Variants in ADGRL3 observed in about 807,000 individuals in gnomAD.
ADGRL3 encodes the protein calcium-independent alpha-latrotoxin receptor 3.
In ADGRL3, 62 loss-of-function variants were observed where a neutral mutation model predicts 153.5. That is an observed-to-expected ratio of 0.40 (90% CI 0.33 to 0.50). The LOEUF is 0.50. ADGRL3 is among the 20% of genes least tolerant of loss of function. ADGRL3 has a pLI of 0.47. For missense variants in ADGRL3, 1,641 were observed against 1,859.4 expected, an observed-to-expected ratio of 0.88 and a Z score of 2.16; for synonymous variants, 710 against 672.5, an observed-to-expected ratio of 1.06 and a Z score of -0.86.
chr4:61,758,256 T>A (rs2152130270), intron 8 of ADGRL3, among the ~76,000 whole-genome samples: 1 of 152,324 alleles, frequency 6.6e-6, no homozygotes, highest in South Asian at 2.1e-4. Flanking sequence ...GTCTCATTGA[T>A]CTGTCTAATG....
chr4:61,843,171 C>A (rs1417325438), intron 9 of ADGRL3, among the ~76,000 whole-genome samples: 1 of 152,138 alleles, frequency 6.6e-6, no homozygotes. Context: ...TATAAAACTT[C>A]TTTAATTTCC....
intron 25 of ADGRL3, among the ~76,000 whole-genome samples, chr4:62,051,602 T>C (rs1321098608): frequency 6.6e-6 from 1 of 151,740 alleles, no homozygotes; most frequent in African/African-American, 2.4e-5. Context: ...TAATCCAGTC[T>C]CTCACAGCCA....
At chr4:61,360,805 A>T (rs936307508) in intron 1 of ADGRL3, among the ~76,000 whole-genome samples, 9 of 152,172 alleles carry the variant, frequency 5.9e-5, no homozygotes, top group African/African-American at 2.2e-4. Context: ...GTACTCTCAA[A>T]TAGCCTTCCC....
At chr4:61,862,611 C>T (rs2098354226) in intron 9 of ADGRL3, among the ~76,000 whole-genome samples, 2 of 152,182 alleles carry the variant, frequency 1.3e-5, no homozygotes, top group Admixed American at 1.3e-4. Context: ...CTCCAAGTCT[C>T]TGTAACCAAT....
chr4:61,383,312 G>T (rs763867559), intron 2 of ADGRL3, 123 bp downstream of exon 2: 19 of 151,302 alleles, frequency 1.3e-4, no homozygotes, highest in Non-Finnish European at 2.4e-4. Context: ...TTTGTAATGT[G>T]TTACTAAAAT....
At chr4:61,828,712 T>C (rs1296477974) in intron 9 of ADGRL3, among the ~76,000 whole-genome samples, 1 of 152,172 alleles carries the variant, frequency 6.6e-6, no homozygotes, top group Non-Finnish European at 1.5e-5. Context: ...AATGTGTACT[T>C]TGAAAACATT....
At chr4:61,723,637 T>TGA (rs1373130347) in intron 6 of ADGRL3, among the ~76,000 whole-genome samples, 2 of 152,044 alleles carry the variant, frequency 1.3e-5, no homozygotes, top group Non-Finnish European at 2.9e-5. Flanking sequence ...CAGGTCGCCA[T>TGA]GATGTCTTGC....
At chr4:61,357,244 CAT>C (rs2096192064) in intron 1 of ADGRL3, among the ~76,000 whole-genome samples, 1 of 151,962 alleles carries the variant, frequency 6.6e-6, no homozygotes, top group Admixed American at 6.6e-5. Context: ...TTTTGATTCA[CAT>C]ATGATGTTAA....
chr4:61,931,716 G>C (rs2098818325), intron 13 of ADGRL3, among the ~76,000 whole-genome samples: 1 of 152,118 alleles, frequency 6.6e-6, no homozygotes, highest in Admixed American at 6.6e-5. Context: ...TTCTAGGTTT[G>C]GGGGCCACAT....
chr4:61,530,063 G>A (rs894273992), intron 4 of ADGRL3, among the ~76,000 whole-genome samples: 2 of 152,114 alleles, frequency 1.3e-5, no homozygotes, highest in Non-Finnish European at 2.9e-5. Context: ...TTAGTTTTCA[G>A]TATGATGTAT....
chr4:61,853,646 C>T (rs1299813241), intron 9 of ADGRL3, among the ~76,000 whole-genome samples: 1 of 152,174 alleles, frequency 6.6e-6, no homozygotes, highest in Admixed American at 6.5e-5. Context: ...TGTTTGTGTC[C>T]TCAGTCTCTT....
chr4:61,465,566 T>C (rs2097868795), intron 2 of ADGRL3, among the ~76,000 whole-genome samples: 1 of 151,490 alleles, frequency 6.6e-6, no homozygotes. Flanking sequence ...TCTACCTATG[T>C]CTTCTATTTT....
intron 2 of ADGRL3, among the ~76,000 whole-genome samples, chr4:61,439,311 A>ATTT (rs2097499253): frequency 6.6e-6 from 1 of 152,124 alleles, no homozygotes; most frequent in Non-Finnish European, 1.5e-5. Context: ...CTTGAAAGAC[A>ATTT]ATATTTGAGA....
chr4:61,602,332 G>A (rs2099015506), intron 5 of ADGRL3, among the ~76,000 whole-genome samples: 1 of 152,120 alleles, frequency 6.6e-6, no homozygotes. Context: ...CTTGGTGAGA[G>A]GATGGGAAGC....
At chr4:61,235,822 G>T (rs568816427) in intron 1 of ADGRL3, among the ~76,000 whole-genome samples, 59 of 152,190 alleles carry the variant, frequency 3.9e-4, no homozygotes, top group Non-Finnish European at 7.2e-4. Context: ...TTTAGGAAGA[G>T]AATGGACTAG....
At chr4:61,711,477 T>TATA (rs1181533644) in intron 6 of ADGRL3, among the ~76,000 whole-genome samples, 3 of 97,104 alleles carry the variant, frequency 3.1e-5, no homozygotes, top group African/African-American at 1.2e-4. Context: ...TATATATATA[T>TATA]ATATATATAT....
intron 8 of ADGRL3, among the ~76,000 whole-genome samples, chr4:61,756,096 A>C (rs915272742): frequency 6.6e-6 from 1 of 152,112 alleles, no homozygotes; most frequent in Non-Finnish European, 1.5e-5. Flanking sequence ...TTGACTTGGC[A>C]ATGCGGGCTC....
At chr4:61,866,729 T>G (rs1274898358) in intron 9 of ADGRL3, among the ~76,000 whole-genome samples, 2 of 152,158 alleles carry the variant, frequency 1.3e-5, no homozygotes, top group African/African-American at 4.8e-5. Flanking sequence ...TCTTCTGGCA[T>G]TAACTAAAAT....
At chr4:61,302,257 A>C (rs983178910) in intron 1 of ADGRL3, among the ~76,000 whole-genome samples, 1 of 151,950 alleles carries the variant, frequency 6.6e-6, no homozygotes, top group Non-Finnish European at 1.5e-5. Flanking sequence ...GATGAAGGAG[A>C]GAGGTGGGGG....
Sources: allele counts gnomAD v4.1 joint callset (sites outside exome capture counted in the v4.1 genomes callset), GRCh38; gene constraint gnomAD v4.1.1; transcripts MANE v1.5; gene names NCBI Gene and HGNC (gene_info 2026-07-23, HGNC 2026-07-21).